Variants in WDHD1 observed in about 807,000 individuals in gnomAD.
WDHD1 encodes the protein WD repeat and HMG-box DNA binding protein 1.
In WDHD1, 111 loss-of-function variants were observed where a neutral mutation model predicts 135.4. That is an observed-to-expected ratio of 0.82 (90% CI 0.70 to 0.96). WDHD1 has a LOEUF of 0.96. WDHD1 is among the 40% of genes least tolerant of loss of function. The pLI is 0.00. For missense variants in WDHD1, 1,351 were observed against 1,336.3 expected (o/e 1.01, Z -0.17); for synonymous variants, 434 against 439.0 (o/e 0.99, Z 0.14).
At chr14:54,952,335 T>C (rs1182539870) in intron 24 of WDHD1, among the ~76,000 whole-genome samples, 3 of 152,186 alleles carry the variant, frequency 2.0e-5, no homozygotes, top group Non-Finnish European at 4.4e-5. Context: ...GCAAGCATTC[T>C]TATACACCAA....
At chr14:54,949,450 GAAAA>G (rs2041000278) in intron 24 of WDHD1, among the ~76,000 whole-genome samples, 1 of 152,220 alleles carries the variant, frequency 6.6e-6, no homozygotes, top group Non-Finnish European at 1.5e-5. Flanking sequence ...AAAGTTTAGA[GAAAA>G]AAGAGTAAAA....
chr14:55,009,365 A>T (rs2042126618), intron 4 of WDHD1, among the ~76,000 whole-genome samples: 1 of 152,162 alleles, frequency 6.6e-6, no homozygotes, highest in Non-Finnish European at 1.5e-5. Context: ...TTGTTTTCCT[A>T]TGACAAAGAA....
At chr14:55,000,095 A>G (rs1355541268) in intron 10 of WDHD1, among the ~76,000 whole-genome samples, 1 of 152,186 alleles carries the variant, frequency 6.6e-6, no homozygotes, top group African/African-American at 2.4e-5. Flanking sequence ...GGCAGGGTGA[A>G]TAATGAACAA....
chr14:55,023,413 C>T (rs2042380925), intron 2 of WDHD1, among the ~76,000 whole-genome samples: 1 of 152,296 alleles, frequency 6.6e-6, no homozygotes, highest in East Asian at 1.9e-4. Context: ...CACAGTGGTC[C>T]TTACACTGGA....
At chr14:54,973,266 C>A (rs1056380045) in intron 16 of WDHD1, among the ~76,000 whole-genome samples, 2 of 102,236 alleles carry the variant, frequency 2.0e-5, no homozygotes, top group African/African-American at 6.8e-5. Flanking sequence ...TAAGTAGAAG[C>A]TAGACCCTAG....
rs760341113 is a variant in WDHD1, at chr14:54,941,449, TAA to T, written c.*39_*40del. 6.6e-7 allele frequency: 1 copy of T among 1,511,628 alleles called. No homozygotes were observed. The highest frequency in any genetic ancestry group is 1.4e-5 in the African/African-American group (1 of 71,418). 93.6% of individuals were successfully genotyped at this position (1,511,628 alleles called of 1,614,324 possible). On this transcript the variant is annotated 3_prime_UTR_variant, in exon 26 of 26. Transcript: ENST00000360586. Reference sequence around the variant, plus strand: ...ACTCGAGTCTATATTCAAAGATGAGTAAAAAAAAATCCATTACTTCCCTAGGG... The same window carrying T: ...ACTCGAGTCTATATTCAAAGATGAGTAAAAAAATCCATTACTTCCCTAGGG...
intron 2 of WDHD1, among the ~76,000 whole-genome samples, chr14:55,021,676 G>A (rs116886179): frequency 4.1e-4 from 62 of 152,208 alleles, no homozygotes; most frequent in Non-Finnish European, 7.1e-4. Context: ...GTGAGCCACC[G>A]CGCCCAGCCA....
chr14:55,001,339 C>A (rs1472328355), intron 8 of WDHD1, among the ~76,000 whole-genome samples: 1 of 152,216 alleles, frequency 6.6e-6, no homozygotes, highest in Non-Finnish European at 1.5e-5. Flanking sequence ...TTACTCACTG[C>A]AACTTTCAAC....
rs370210535 is a variant in WDHD1, at chr14:55,026,773, C to G, written c.15G>C (p.Arg5=). The G allele has an allele frequency of 1.2e-6, 2 of 1,614,078 alleles. No individual in the cohort carries two copies. Among genetic ancestry groups the G allele is most frequent in the Non-Finnish European group, 1.7e-6 (2 of 1,180,038 alleles). Residue 5 remains arginine (R), a synonymous_variant, in exon 2 of 26, where the codon CGG becomes CGC. Transcript: ENST00000360586. The part of the protein sequence containing the change: MPAT[R]KPMRYGHTEG... ...CTGTATGCCCATATCTCATTGGCTT[C>G]CGTGTGGCAGGCATGTTTTCCTTTA...
rs546169401 is a variant in WDHD1, at chr14:55,010,192, G to A, written c.341+117C>T. On this transcript the variant is annotated intron_variant, in intron 4 of 25. Transcript: ENST00000360586. ...ACCTTTACTAGATAAAAGAATATAT[G>A]AAGAAACAACAAACAACAAAAAATT... 1.5e-5 allele frequency: 17 copies of A among 1,120,554 alleles called. No individual in the cohort carries two copies. The South Asian group carries it at 3.5e-4, about 23-fold the overall frequency. 69.4% of individuals were successfully genotyped at this position (1,120,554 alleles called of 1,614,324 possible).
chr14:54,967,156 C>T, intron 17 of WDHD1, 124 bp downstream of exon 17: 4 of 771,950 alleles, frequency 5.2e-6, no homozygotes, highest in South Asian at 4.8e-5. Context: ...CTCCCTGCTA[C>T]CCCTATTTAT....
intron 16 of WDHD1, among the ~76,000 whole-genome samples, chr14:54,967,614 A>G (rs1286200145): frequency 4.6e-5 from 7 of 152,124 alleles, no homozygotes; most frequent in African/African-American, 1.7e-4. Context: ...ATTCCTTCTC[A>G]CATCTCACTT....
intron 16 of WDHD1, among the ~76,000 whole-genome samples, chr14:54,972,550 T>A (rs534932253): frequency 2.5e-4 from 4 of 16,160 alleles, no homozygotes; most frequent in Non-Finnish European, 5.4e-4. Flanking sequence ...AGCAAGACTG[T>A]CACAAAAAAA....
At chr14:54,987,437 C>A in intron 13 of WDHD1, 50 bp from the exon 14 acceptor site, 1 of 1,350,054 alleles carries the variant, frequency 7.4e-7, no homozygotes, top group Non-Finnish European at 1.0e-6. Flanking sequence ...ATGATATTTA[C>A]ATATATATAT....
chr14:54,957,301 T>C, intron 22 of WDHD1, 97 bp from the exon 23 acceptor site: 1 of 1,310,872 alleles, frequency 7.6e-7, no homozygotes, highest in East Asian at 2.4e-5. Flanking sequence ...AAGTTTGTAT[T>C]GCCATCTCAT....
rs2040824314 is a variant in WDHD1, at chr14:54,940,669, C to T, written c.*821G>A. On this transcript the variant is annotated 3_prime_UTR_variant, in exon 26 of 26. Coordinates refer to ENST00000360586, the MANE Select transcript of WDHD1 (RefSeq NM_007086.4). ...CTCTTCTCAGGCCTTCAAAGTCTTG[C>T]TCAGTAAAGTACTGTTGATGCTGAT... is the stretch of plus-strand genomic sequence containing the variant. 1 of 152,126 alleles carries T rather than the reference C, an allele frequency of 6.6e-6. No individual in the cohort carries two copies. Among genetic ancestry groups the T allele is most frequent in the Admixed American group, 6.6e-5 (1 of 15,262 alleles). 9.4% of individuals were successfully genotyped at this position (152,126 alleles called of 1,614,324 possible). A position where few individuals can be genotyped will look rare whatever the true frequency, so the allele number is the denominator to read the frequency against.
In WDHD1 at chr14:54,970,584, T is replaced by C. The variant is rs528076906; in HGVS notation, c.2064-3190A>G. Among the ~76,000 whole-genome samples the C allele has an allele frequency of 2.7e-5, 4 of 149,598 alleles. No individual in the cohort carries two copies. In the South Asian group the frequency reaches 8.4e-4, roughly 31 times the overall value. On this transcript the variant is annotated intron_variant, in intron 16 of 25. Transcript: ENST00000360586. Reference sequence around the variant, plus strand: ...ATATCATTAAAATGACCATACTGTGTCTGCAGCAACCTTGGTTTGCATCGA... The same window carrying C: ...ATATCATTAAAATGACCATACTGTGCCTGCAGCAACCTTGGTTTGCATCGA...
Position 54,957,134 on chromosome 14 carries a change from A to C in WDHD1, c.2816T>G (p.Met939Arg). Residue 939 changes from methionine (M) to arginine (R), a missense_variant, in exon 23 of 26, where the codon ATG (methionine) becomes AGG (arginine). By Grantham distance (91) the Met-to-Arg change is moderately conservative. Coordinates refer to ENST00000360586, the MANE Select transcript of WDHD1 (RefSeq NM_007086.4). ...AGTGGATTTCTTGGATGATTTGCCCATATTGTCTAAAATATTAGTTGAACG... is the reference window on the plus strand; with the variant it reads ...AGTGGATTTCTTGGATGATTTGCCCCTATTGTCTAAAATATTAGTTGAACG... ...SARSTNILDNMGKSSKKSTAL... is the reference protein window; with the variant it reads ...SARSTNILDNRGKSSKKSTAL... 1 of 1,614,180 alleles carries C rather than the reference A, an allele frequency of 6.2e-7. No individual in the cohort carries two copies. Among genetic ancestry groups the C allele is most frequent in the Non-Finnish European group, 8.5e-7 (1 of 1,180,040 alleles).
chr14:54,950,785 A>G (rs1449206324), intron 24 of WDHD1, among the ~76,000 whole-genome samples: 1 of 152,220 alleles, frequency 6.6e-6, no homozygotes, highest in Non-Finnish European at 1.5e-5. Flanking sequence ...AACAGAAATT[A>G]TAACAAACTG....
Sources: allele counts gnomAD v4.1 joint callset (sites outside exome capture counted in the v4.1 genomes callset), GRCh38; gene constraint gnomAD v4.1.1; transcripts MANE v1.5; gene names NCBI Gene and HGNC (gene_info 2026-07-23, HGNC 2026-07-21).